Variants in MBNL1 observed in about 807,000 individuals in gnomAD.
MBNL1 encodes muscleblind-like protein 1.
Under a neutral mutation model 42.2 loss-of-function variants are expected in MBNL1, and 8 were observed. The observed-to-expected ratio is 0.19, with a 90% confidence interval of 0.11 to 0.34. The LOEUF (loss-of-function observed/expected upper bound fraction) is 0.34, where lower values mean the gene tolerates loss of function less well. MBNL1 is among the 10% of genes least tolerant of loss of function. MBNL1 has a pLI of 1.00. For synonymous variants in MBNL1, 169 were observed against 173.9 expected (o/e 0.97, Z 0.22); for missense variants, 309 against 495.3 (o/e 0.62, Z 3.57).
At chr3:152,319,591 C>T (rs1052357927) in intron 2 of MBNL1, among the ~76,000 whole-genome samples, 19 of 132,320 alleles carry the variant, frequency 1.4e-4, no homozygotes, top group African/African-American at 3.7e-4. Context: ...GCCTTGGTTA[C>T]GGTGGCATTA....
intron 2 of MBNL1, among the ~76,000 whole-genome samples, chr3:152,308,065 A>T (rs926883456): frequency 6.6e-6 from 1 of 152,232 alleles, no homozygotes; most frequent in East Asian, 1.9e-4. Context: ...AAAAAGCCAT[A>T]TTCAAAAGGT....
chr3:152,419,531 G>A (rs2098763222), intron 3 of MBNL1, among the ~76,000 whole-genome samples: 2 of 152,136 alleles, frequency 1.3e-5, no homozygotes, highest in South Asian at 4.1e-4. Flanking sequence ...TGTGACGGAT[G>A]GTGCTGTCCA....
At chr3:152,313,835 G>C (rs2068639380) in intron 2 of MBNL1, among the ~76,000 whole-genome samples, 1 of 152,192 alleles carries the variant, frequency 6.6e-6, no homozygotes. Context: ...ACATATGTAT[G>C]ACTTGACTAC....
At chr3:152,434,170 A>G (rs2099047249) in intron 4 of MBNL1, among the ~76,000 whole-genome samples, 1 of 152,140 alleles carries the variant, frequency 6.6e-6, no homozygotes, top group African/African-American at 2.4e-5. Context: ...CGCAATACCC[A>G]ATAGGTACTT....
At position 152,445,373 on chromosome 3, in the gene MBNL1, A is replaced by G. The variant is rs199806703; in HGVS notation, c.641A>G (p.Asn214Ser). The change falls in exon 5 of 10, where the codon AAT becomes AGT. Residue 214 changes from asparagine to serine, a missense_variant. By Grantham distance (46) the Asn-to-Ser change is conservative. Transcript: ENST00000324210. ...HPADSTMIDT[N>S]DNTVTVCMDY... ...GCTGACAGCACAATGATTGACACCAATGACAACACAGTCACTGTGTGTATG... is the reference window on the plus strand; with the variant it reads ...GCTGACAGCACAATGATTGACACCAGTGACAACACAGTCACTGTGTGTATG... 2.4e-5 allele frequency: 38 copies of G among 1,614,114 alleles called. No individual in the cohort carries two copies. The African/African-American group carries it at 3.2e-4, about 14-fold the overall frequency.
chr3:152,315,356 T>G lies in MBNL1; in HGVS notation c.174+14989T>G, dbSNP rs2070149561. 3.3e-5 allele frequency among the ~76,000 whole-genome samples: 5 copies of G among 152,288 alleles called. No homozygotes were observed. In the South Asian group the frequency reaches 1.0e-3, roughly 32 times the overall value. On this transcript the variant is annotated intron_variant, in intron 2 of 9. Transcript: ENST00000324210. ...ACACCTTTAGATTGTCATGTTTTAT[T>G]GAGAAAAATCCACTTCTCTGAAACT...
chr3:152,462,617 A>G lies in MBNL1; in HGVS notation c.*251A>G, dbSNP rs561610685. 4.6e-5 allele frequency: 7 copies of G among 152,272 alleles called. No individual in the cohort carries two copies. In the South Asian group the frequency reaches 1.5e-3, roughly 32 times the overall value. The allele number at this position is 152,272 out of a possible 1,614,324, so 9.4% of individuals were successfully genotyped here. On this transcript the variant is annotated 3_prime_UTR_variant, in exon 10 of 10. Coordinates refer to ENST00000324210, the MANE Select transcript of MBNL1 (RefSeq NM_021038.5). ...TTGTGCTGAGGTGATATTCCTGTCT[A>G]AAAGAACAACATTGTCTTTCTTTTC...
chr3:152,296,570 C>T (rs2058612675), intron 1 of MBNL1, among the ~76,000 whole-genome samples: 1 of 152,008 alleles, frequency 6.6e-6, no homozygotes, highest in Non-Finnish European at 1.5e-5. Flanking sequence ...GAAAGGCTGC[C>T]GTGTGCAATG....
At chr3:152,356,957 A>T (rs1436807218) in intron 2 of MBNL1, among the ~76,000 whole-genome samples, 1 of 151,822 alleles carries the variant, frequency 6.6e-6, no homozygotes, top group Non-Finnish European at 1.5e-5. Context: ...ATAATATCAA[A>T]TGTGGTGGGT....
At chr3:152,275,729 A>AT (rs2044673949) in intron 1 of MBNL1, among the ~76,000 whole-genome samples, 1 of 151,100 alleles carries the variant, frequency 6.6e-6, no homozygotes, top group South Asian at 2.1e-4. Context: ...AAAAAAAAAA[A>AT]AAAAGGCTAA....
In MBNL1 at chr3:152,463,042, G is replaced by A. The variant is rs574655947; in HGVS notation, c.*676G>A. The A allele has an allele frequency of 6.6e-6, 1 of 152,200 alleles. No individual in the cohort carries two copies. The highest frequency in any genetic ancestry group is 1.5e-5 in the Non-Finnish European group (1 of 67,880). The allele number at this position is 152,200 out of a possible 1,614,324, so 9.4% of individuals were successfully genotyped here. ...GGATTCTCATGAAGTGCCATAGACTGTACATCAAATTAGAGTATTATTTCT... is the reference window on the plus strand; with the variant it reads ...GGATTCTCATGAAGTGCCATAGACTATACATCAAATTAGAGTATTATTTCT... On this transcript the variant is annotated 3_prime_UTR_variant, in exon 10 of 10. Coordinates refer to ENST00000324210, the MANE Select transcript of MBNL1 (RefSeq NM_021038.5).
intron 9 of MBNL1, among the ~76,000 whole-genome samples, chr3:152,460,127 C>T (rs1459145063): frequency 1.3e-5 from 2 of 151,766 alleles, no homozygotes; most frequent in Non-Finnish European, 2.9e-5. Flanking sequence ...TGGTAGCACA[C>T]TCTGTAGTTC....
At chr3:152,362,737 C>T (rs2096068126) in intron 2 of MBNL1, among the ~76,000 whole-genome samples, 1 of 152,108 alleles carries the variant, frequency 6.6e-6, no homozygotes, top group East Asian at 1.9e-4. Context: ...GGCAAAAGTG[C>T]CCCTGCTTGA....
intron 2 of MBNL1, among the ~76,000 whole-genome samples, chr3:152,252,157 TTCCTTCCTTCCTTCCTTCCTTCCC>T (rs1164292336): frequency 2.1e-5 from 3 of 145,312 alleles, no homozygotes; most frequent in Non-Finnish European, 3.1e-5. Context: ...CCTTCCTTCC[TTCCTTCCTTCCTTCCTTCCTTCCC>T]TCCTTCCTTC....
At chr3:152,411,121 T>C (rs1164504682) in intron 2 of MBNL1, among the ~76,000 whole-genome samples, 1 of 152,212 alleles carries the variant, frequency 6.6e-6, no homozygotes, top group African/African-American at 2.4e-5. Flanking sequence ...TTTCACTAAC[T>C]TCCACAAGGT....
At chr3:152,372,949 G>C (rs751326086) in intron 2 of MBNL1, among the ~76,000 whole-genome samples, 47 of 152,190 alleles carry the variant, frequency 3.1e-4, no homozygotes, top group Non-Finnish European at 5.7e-4. Context: ...AGTTTTATCT[G>C]TTAGCCCCTG....
intron 1 of MBNL1, among the ~76,000 whole-genome samples, chr3:152,280,264 A>G (rs1426385): frequency 0.55 from 83,602 of 151,934 alleles, 23,355 homozygotes; most frequent in Middle Eastern, 0.64. Flanking sequence ...GCCAAGAATA[A>G]GCTGTTTGTG....
intron 3 of MBNL1, among the ~76,000 whole-genome samples, chr3:152,420,892 T>C (rs1446913020): frequency 6.6e-6 from 1 of 152,202 alleles, no homozygotes; most frequent in African/African-American, 2.4e-5. Context: ...CAGGAACTGC[T>C]AACTGAATAA....
intron 2 of MBNL1, among the ~76,000 whole-genome samples, chr3:152,259,542 A>T (rs182202431): frequency 6.6e-6 from 1 of 152,358 alleles, no homozygotes; most frequent in Admixed American, 6.5e-5. Context: ...TCTTGAAGTT[A>T]TCAAAGATAA....
Sources: allele counts gnomAD v4.1 joint callset (sites outside exome capture counted in the v4.1 genomes callset), GRCh38; gene constraint gnomAD v4.1.1; transcripts MANE v1.5; gene names NCBI Gene and HGNC (gene_info 2026-07-23, HGNC 2026-07-21).